CDK17: variants seen among roughly 807,000 people sequenced by gnomAD.
CDK17 encodes the protein cyclin-dependent kinase 17.
CDK17 carries 24 observed loss-of-function variants against 77.6 expected under a neutral mutation model. That is an observed-to-expected ratio of 0.31 (90% confidence interval 0.22 to 0.44). The LOEUF is 0.44. CDK17 is among the 20% of genes least tolerant of loss of function. The probability of loss-of-function intolerance (pLI) is 1.00; values close to 1 mark genes in which losing one functional copy is unlikely to be tolerated. For missense variants in CDK17, 429 were observed against 622.5 expected (o/e 0.69, Z 3.31); for synonymous variants, 203 against 210.4 (o/e 0.96, Z 0.30).
intron 5 of CDK17, 123 bp downstream of exon 5, chr12:96,310,929 C>T (rs1952637993): frequency 1.0e-6 from 1 of 977,620 alleles, no homozygotes; most frequent in African/African-American, 1.8e-5. Context: ...ATCGAGAAGG[C>T]AATATAATAA....
chr12:96,389,265 T>C (rs1159887627), intron 1 of CDK17, among the ~76,000 whole-genome samples: 1 of 151,926 alleles, frequency 6.6e-6, no homozygotes, highest in Admixed American at 6.6e-5. Flanking sequence ...ATGAGCCACC[T>C]TGCCCAGCCA....
At chr12:96,297,161 C>A (rs1952419106) in intron 9 of CDK17, 109 bp downstream of exon 9, 1 of 614,612 alleles carries the variant, frequency 1.6e-6, no homozygotes, top group Non-Finnish European at 2.7e-6. Context: ...ATTTAAAAGG[C>A]CAAACAGAAA....
At chr12:96,304,235 T>G (rs369975500) in intron 5 of CDK17, among the ~76,000 whole-genome samples, 1 of 152,090 alleles carries the variant, frequency 6.6e-6, no homozygotes, top group African/African-American at 2.4e-5. Context: ...AGAGTGAGTA[T>G]ATATTAATAC....
chr12:96,355,676 G>T (rs1028878215), intron 1 of CDK17, among the ~76,000 whole-genome samples: 1 of 152,052 alleles, frequency 6.6e-6, no homozygotes, highest in Non-Finnish European at 1.5e-5. Flanking sequence ...AAAGTGCTGG[G>T]ATTACAGGCG....
chr12:96,294,584 CAAAAAAAAAA>C (rs11313631), intron 10 of CDK17, among the ~76,000 whole-genome samples: 619 of 54,430 alleles, frequency 0.011, 12 homozygotes, highest in Middle Eastern at 0.032. Context: ...ATGCTGTCTT[CAAAAAAAAAA>C]AAAAAAAAAA....
intron 1 of CDK17, among the ~76,000 whole-genome samples, chr12:96,373,166 G>A (rs939272370): frequency 1.3e-5 from 2 of 152,332 alleles, no homozygotes; most frequent in African/African-American, 4.8e-5. Context: ...CTTTCTTTAA[G>A]AGAAACTGAG....
rs777668645 is a variant in CDK17, at chr12:96,282,554, CAT to C, written c.1409_1410del (p.His470ArgfsTer115). ...CTTGGTCCCAGACTTCGAAAGTACA[CAT>C]GTTTCATGGCCTCTTCAGCTGAAAC... ...KRVSAEEAMK[H>X]VYFRSLGPRI... On this transcript the variant is annotated frameshift_variant, in exon 15 of 17. Transcript: ENST00000261211. LOFTEE classifies it high-confidence loss of function. 1.8e-5 allele frequency: 29 copies of C among 1,613,106 alleles called. No homozygotes were observed. Among genetic ancestry groups the C allele is most frequent in the African/African-American group, 2.7e-5 (2 of 75,042 alleles).
At chr12:96,367,151 T>C (rs1592756998) in intron 1 of CDK17, among the ~76,000 whole-genome samples, 1 of 151,726 alleles carries the variant, frequency 6.6e-6, no homozygotes. Flanking sequence ...AAGACCAGCC[T>C]GGCCAATATG....
intron 1 of CDK17, among the ~76,000 whole-genome samples, chr12:96,379,183 T>C (rs987751180): frequency 1.2e-4 from 18 of 152,162 alleles, no homozygotes; most frequent in African/African-American, 4.3e-4. Flanking sequence ...CAAACTCAGT[T>C]GAATTTAAAG....
At chr12:96,280,347 G>T in intron 16 of CDK17, 68 bp from the exon 17 acceptor site, 2 of 1,535,120 alleles carry the variant, frequency 1.3e-6, no homozygotes, top group South Asian at 2.5e-5. Flanking sequence ...GTTATTTGGT[G>T]ACTAGGAAGC....
chr12:96,373,367 C>T (rs1385603912), intron 1 of CDK17, among the ~76,000 whole-genome samples: 4 of 152,038 alleles, frequency 2.6e-5, no homozygotes, highest in African/African-American at 9.7e-5. Flanking sequence ...CCTAGGCAGG[C>T]GGATAACCTG....
intron 1 of CDK17, among the ~76,000 whole-genome samples, chr12:96,392,552 G>C (rs1954086336): frequency 6.6e-6 from 1 of 152,140 alleles, no homozygotes; most frequent in Non-Finnish European, 1.5e-5. Context: ...AACAGGACTT[G>C]GTGTGACTAA....
Position 96,400,363 on chromosome 12 carries a change from G to T in CDK17, c.-407C>A. On this transcript the variant is annotated 5_prime_UTR_variant, in exon 1 of 17. Coordinates refer to ENST00000261211, the MANE Select transcript of CDK17 (RefSeq NM_002595.5). ...TCTCCGCGGCTCTGCGGCGGCCCGC[G>T]GGGAGCTCAGGAGACTGCGGGCGGC... The T allele has an allele frequency of 2.6e-6, 1 of 385,994 alleles. No homozygotes were observed. The highest frequency in any genetic ancestry group is 1.4e-4 in the South Asian group (1 of 7,128). 23.9% of individuals were successfully genotyped at this position (385,994 alleles called of 1,614,324 possible). A position where few individuals can be genotyped will look rare whatever the true frequency, so the allele number is the denominator to read the frequency against.
intron 1 of CDK17, chr12:96,335,106 G>C (rs774076935): frequency 4.3e-5 from 24 of 552,152 alleles, no homozygotes; most frequent in Non-Finnish European, 7.8e-5. Context: ...GGGACTTTAA[G>C]CATCACAAAT....
At chr12:96,378,816 A>G (rs909407583) in intron 1 of CDK17, among the ~76,000 whole-genome samples, 7 of 152,352 alleles carry the variant, frequency 4.6e-5, no homozygotes, top group Admixed American at 4.6e-4. Flanking sequence ...AGATATGGAA[A>G]GATCTCCAGA....
intron 1 of CDK17, among the ~76,000 whole-genome samples, chr12:96,396,391 C>T (rs893660805): frequency 2.0e-5 from 3 of 152,178 alleles, no homozygotes; most frequent in African/African-American, 7.2e-5. Flanking sequence ...GTCCTCTCCC[C>T]ATCAGTTCAA....
At chr12:96,336,704 T>A (rs1040583817) in intron 1 of CDK17, among the ~76,000 whole-genome samples, 1 of 152,206 alleles carries the variant, frequency 6.6e-6, no homozygotes, top group African/African-American at 2.4e-5. Flanking sequence ...AGTTCACAAA[T>A]CCTCTTTTCA....
intron 9 of CDK17, 76 bp from the exon 10 acceptor site, chr12:96,295,198 G>T: frequency 8.7e-7 from 1 of 1,150,360 alleles, no homozygotes; most frequent in Non-Finnish European, 1.2e-6. Context: ...ATGGTAAGCA[G>T]AAAAGCAGCT....
chr12:96,374,889 C>A (rs1157312032), intron 1 of CDK17, among the ~76,000 whole-genome samples: 1 of 152,208 alleles, frequency 6.6e-6, no homozygotes, highest in Admixed American at 6.5e-5. Context: ...ATATTCTTGT[C>A]CATCCCAATC....
Sources: allele counts gnomAD v4.1 joint callset (sites outside exome capture counted in the v4.1 genomes callset), GRCh38; gene constraint gnomAD v4.1.1; transcripts MANE v1.5; gene names NCBI Gene and HGNC (gene_info 2026-07-23, HGNC 2026-07-21).